Variants in PCLO observed in about 807,000 individuals in gnomAD.
PCLO encodes the protein protein piccolo.
Under a neutral mutation model 427.5 loss-of-function variants are expected in PCLO, and 82 were observed. The observed-to-expected ratio is 0.19, with a 90% CI of 0.16 to 0.23. The LOEUF is 0.23. PCLO is among the 10% of genes least tolerant of loss of function. The probability of loss-of-function intolerance (pLI) is 1.00; values close to 1 mark genes in which losing one functional copy is unlikely to be tolerated. For synonymous variants in PCLO, 2,357 were observed against 2,155.4 expected (o/e 1.09, Z -2.59); for missense variants, 6,239 against 6,115.9 (o/e 1.02, Z -0.67).
intron 9 of PCLO, among the ~76,000 whole-genome samples, chr7:82,883,941 G>A (rs1466641224): frequency 6.6e-6 from 1 of 151,840 alleles, no homozygotes; most frequent in Non-Finnish European, 1.5e-5. Flanking sequence ...AGCTAATTTT[G>A]TGTACTTTTG....
intron 3 of PCLO, among the ~76,000 whole-genome samples, chr7:83,070,625 G>A (rs1250886732): frequency 1.3e-5 from 2 of 152,126 alleles, no homozygotes; most frequent in African/African-American, 2.4e-5. Flanking sequence ...CTGACCTTGT[G>A]ATCCGCCCGC....
chr7:83,084,134 A>G (rs865972226), intron 3 of PCLO, among the ~76,000 whole-genome samples: 2 of 152,154 alleles, frequency 1.3e-5, no homozygotes, highest in African/African-American at 4.8e-5. Context: ...CCATCTATCA[A>G]TGAAAGAAAT....
intron 3 of PCLO, among the ~76,000 whole-genome samples, chr7:83,001,882 A>G (rs576240444): frequency 6.6e-6 from 1 of 152,154 alleles, no homozygotes; most frequent in African/African-American, 2.4e-5. Flanking sequence ...TCACAAAAGT[A>G]TGTCACAGGA....
chr7:82,926,737 C>T (rs11978858), intron 6 of PCLO, among the ~76,000 whole-genome samples: 6,013 of 152,242 alleles, frequency 0.039, 387 homozygotes, highest in African/African-American at 0.14. Context: ...CTGTGTGACA[C>T]TTATTGCATT....
intron 3 of PCLO, among the ~76,000 whole-genome samples, chr7:83,125,874 T>C (rs1355146089): frequency 1.3e-5 from 2 of 151,258 alleles, no homozygotes; most frequent in East Asian, 3.9e-4. Flanking sequence ...CACCCAAGAA[T>C]GATCAATAAA....
At chr7:82,944,251 G>A (rs941109850) in intron 6 of PCLO, among the ~76,000 whole-genome samples, 2 of 151,322 alleles carry the variant, frequency 1.3e-5, no homozygotes, top group East Asian at 3.9e-4. Context: ...TGTTTCATGT[G>A]GGAGTGAGGG....
intron 3 of PCLO, among the ~76,000 whole-genome samples, chr7:83,119,242 C>G (rs893708410): frequency 1.8e-4 from 28 of 152,110 alleles, no homozygotes; most frequent in Non-Finnish European, 3.5e-4. Flanking sequence ...AGATGTGACC[C>G]AGTGCAATCC....
intron 12 of PCLO, 65 bp downstream of exon 12, chr7:82,846,502 G>A: frequency 1.0e-6 from 1 of 958,286 alleles, no homozygotes; most frequent in East Asian, 2.4e-5. Context: ...AATTACATCT[G>A]CCTCTGCAAT....
intron 16 of PCLO, among the ~76,000 whole-genome samples, chr7:82,831,283 T>A (rs1792087199): frequency 1.3e-5 from 2 of 152,128 alleles, no homozygotes; most frequent in Admixed American, 1.3e-4. Context: ...TTTGATTTCT[T>A]GCTTTTAAAT....
intron 22 of PCLO, among the ~76,000 whole-genome samples, chr7:82,798,563 G>A (rs1791276755): frequency 6.6e-6 from 1 of 152,140 alleles, no homozygotes; most frequent in Non-Finnish European, 1.5e-5. Flanking sequence ...GCATTGATGT[G>A]TCCTCCTATC....
intron 6 of PCLO, among the ~76,000 whole-genome samples, 158 bp from the exon 7 acceptor site, chr7:82,917,031 C>T (rs979740184): frequency 6.6e-6 from 1 of 151,924 alleles, no homozygotes; most frequent in Non-Finnish European, 1.5e-5. Context: ...AAGTATTGGT[C>T]ACAAATACAA....
intron 14 of PCLO, among the ~76,000 whole-genome samples, chr7:82,841,088 T>C (rs2115778452): frequency 6.6e-6 from 1 of 152,066 alleles, no homozygotes; most frequent in Admixed American, 6.6e-5. Flanking sequence ...TTTAAAGCAA[T>C]TTTTGATTAA....
intron 4 of PCLO, among the ~76,000 whole-genome samples, chr7:82,959,517 T>C (rs1350669119): frequency 6.6e-6 from 1 of 152,240 alleles, no homozygotes; most frequent in Admixed American, 6.5e-5. Context: ...CTGAAGGTTC[T>C]ACTGATATTA....
intron 3 of PCLO, among the ~76,000 whole-genome samples, chr7:83,105,111 A>G (rs1790822516): frequency 6.6e-6 from 1 of 152,160 alleles, no homozygotes; most frequent in Non-Finnish European, 1.5e-5. Context: ...AAAATATAGG[A>G]CATGTTCTAC....
intron 3 of PCLO, among the ~76,000 whole-genome samples, chr7:82,983,414 C>T (rs1455845560): frequency 2.0e-5 from 3 of 150,848 alleles, no homozygotes; most frequent in East Asian, 3.9e-4. Flanking sequence ...TCATAATAAA[C>T]AATATTATAG....
intron 20 of PCLO, chr7:82,821,539 G>C: frequency 1.0e-6 from 1 of 980,014 alleles, no homozygotes. Context: ...ATGCCTTTTA[G>C]AAGTAACAGG....
intron 24 of PCLO, among the ~76,000 whole-genome samples, chr7:82,758,979 G>A (rs73381944): frequency 0.021 from 3,113 of 151,854 alleles, 124 homozygotes; most frequent in African/African-American, 0.071. Context: ...GAGAATACTA[G>A]GTAAGAAATG....
intron 3 of PCLO, among the ~76,000 whole-genome samples, chr7:83,088,158 T>C (rs2116426448): frequency 6.6e-6 from 1 of 152,350 alleles, no homozygotes; most frequent in South Asian, 2.1e-4. Context: ...TTTGAAAATT[T>C]ATCTTTAGTG....
intron 20 of PCLO, chr7:82,822,096 CTT>C (rs11394716): frequency 7.3e-5 from 67 of 913,042 alleles, no homozygotes; most frequent in South Asian, 3.4e-4. Flanking sequence ...TATGTGTGCA[CTT>C]TTTTTTTTTT....
Sources: allele counts gnomAD v4.1 joint callset (sites outside exome capture counted in the v4.1 genomes callset), GRCh38; gene constraint gnomAD v4.1.1; transcripts MANE v1.5; gene names NCBI Gene and HGNC (gene_info 2026-07-23, HGNC 2026-07-21).